COL12A1: variants seen among roughly 807,000 people sequenced by gnomAD.
COL12A1 encodes the protein collagen type XII alpha 1 chain, also known as collagen alpha-1(XII) chain.
Under a neutral mutation model 349.7 loss-of-function variants are expected in COL12A1, and 114 were observed. The ratio of observed to expected loss-of-function variants is 0.33; its 90% CI spans 0.28 to 0.38. The LOEUF (loss-of-function observed/expected upper bound fraction) is 0.38. COL12A1 is among the 10% of genes least tolerant of loss of function. The pLI is 1.00. For missense variants in COL12A1, 3,284 were observed against 3,756.9 expected (o/e 0.87, Z 3.29); for synonymous variants, 1,369 against 1,329.0 (o/e 1.03, Z -0.66).
chr6:75,176,861 T>C (rs1452076074), intron 12 of COL12A1, among the ~76,000 whole-genome samples: 1 of 152,160 alleles, frequency 6.6e-6, no homozygotes, highest in Non-Finnish European at 1.5e-5. Context: ...AGCTAGGAAA[T>C]AAAATGAAAA....
In COL12A1 at chr6:75,117,511, C is replaced by G; in HGVS notation, c.7390G>C (p.Asp2464His). Reference sequence around the variant, plus strand: ...GCAATGTTGGCAAGCTCATTGTAGTCGACATCAGCCACACCAACTACAAAG... The same window carrying G: ...GCAATGTTGGCAAGCTCATTGTAGTGGACATCAGCCACACCAACTACAAAG... The part of the protein sequence containing the change: ...SVFVVGVADV[D>H]YNELANIASK... Residue 2464 changes from aspartate to histidine, a missense_variant, in exon 47 of 66, where the codon GAC becomes CAC. By Grantham distance (81) the Asp-to-His change is moderately conservative. Transcript: ENST00000322507. The G allele has an allele frequency of 6.2e-7, 1 of 1,613,492 alleles. No individual in the cohort carries two copies. Among genetic ancestry groups the G allele is most frequent in the East Asian group, 2.2e-5 (1 of 44,870 alleles).
At chr6:75,126,231 G>C in intron 39 of COL12A1, 120 bp downstream of exon 39, 2 of 1,174,868 alleles carry the variant, frequency 1.7e-6, no homozygotes, top group Non-Finnish European at 2.3e-6. Flanking sequence ...TTTGGTTACA[G>C]GAAACTTGGT....
rs370549168 is a variant in COL12A1, at chr6:75,148,458, C to T, written c.4187G>A (p.Arg1396Gln). 294 of 1,613,372 alleles carry T rather than the reference C, an allele frequency of 1.8e-4. 1 individual carries two copies. In the South Asian group the frequency reaches 1.8e-3, roughly 10 times the overall value. ...EAPSNLVISE[R>Q]THRSFRVSWT... ...GCTCACTCTAAAAGAACGATGGGTTCGCTCAGAAATAACTAAGTTAGAAGG... is the reference window on the plus strand; with the variant it reads ...GCTCACTCTAAAAGAACGATGGGTTTGCTCAGAAATAACTAAGTTAGAAGG... The change falls in exon 22 of 66, where the codon CGA (arginine) becomes CAA (glutamine). Residue 1396 changes from arginine to glutamine, a missense_variant. Arg to Gln is a conservative substitution (Grantham distance 43). Around this residue, in one of 2 missense-constraint regions of COL12A1, gnomAD observed 2,601 missense variants for 2,824.8 expected, o/e 0.92. Transcript: ENST00000322507.
At chr6:75,105,593 T>C (rs1768509600) in intron 53 of COL12A1, among the ~76,000 whole-genome samples, 1 of 152,078 alleles carries the variant, frequency 6.6e-6, no homozygotes, top group Non-Finnish European at 1.5e-5. Flanking sequence ...AAATATCAAT[T>C]CCCATCTGGA....
intron 13 of COL12A1, among the ~76,000 whole-genome samples, chr6:75,173,786 C>A (rs529741783): frequency 6.6e-5 from 10 of 152,308 alleles, no homozygotes; most frequent in Non-Finnish European, 1.3e-4. Context: ...ACAATATCTA[C>A]AACCTTCCAA....
chr6:75,175,325 GACA>G lies in COL12A1; in HGVS notation c.2438-18_2438-16del. ...ATTCCCTCTAACTTCATTAAAAAAT[GACA>G]ACATCATCAAAACCCATTATTTAAA... On this transcript the variant is annotated splice_polypyrimidine_tract_variant and intron_variant, in intron 12 of 65. Transcript: ENST00000322507. 6.2e-7 allele frequency: 1 copy of G among 1,604,084 alleles called. No homozygotes were observed. Among genetic ancestry groups the G allele is most frequent in the Non-Finnish European group, 8.5e-7 (1 of 1,175,798 alleles).
intron 12 of COL12A1, among the ~76,000 whole-genome samples, 194 bp from the exon 13 acceptor site, chr6:75,175,504 A>AG (rs1294320418): frequency 3.9e-5 from 6 of 152,224 alleles, no homozygotes; most frequent in Non-Finnish European, 4.4e-5. Context: ...AGTAGAAACA[A>AG]GGGGAAAGAT....
intron 2 of COL12A1, among the ~76,000 whole-genome samples, chr6:75,195,175 G>C (rs2149483200): frequency 6.6e-6 from 1 of 152,272 alleles, no homozygotes; most frequent in Middle Eastern, 3.4e-3. Context: ...TGATTCTTGA[G>C]TTGCTAGGTC....
rs920560154 is a variant in COL12A1 at position 75,085,230 on chromosome 6, C to T, written c.*1317G>A. 7 of 469,536 alleles carry T rather than the reference C, an allele frequency of 1.5e-5. No homozygotes were observed. Among genetic ancestry groups the T allele is most frequent in the East Asian group, 1.4e-4 (2 of 14,366 alleles). 29.1% of individuals were successfully genotyped at this position (469,536 alleles called of 1,614,324 possible). On this transcript the variant is annotated 3_prime_UTR_variant, in exon 66 of 66. Coordinates refer to ENST00000322507, the MANE Select transcript of COL12A1 (RefSeq NM_004370.6). Reference sequence around the variant, plus strand: ...GTGGGGCAGGGCGCGCCGCCAGCGCCGGTGGGGCTCAGGAGGCTCCTCTGC... The same window carrying T: ...GTGGGGCAGGGCGCGCCGCCAGCGCTGGTGGGGCTCAGGAGGCTCCTCTGC...
intron 32 of COL12A1, 33 bp from the exon 33 acceptor site, chr6:75,134,030 T>C (rs749771841): frequency 1.3e-6 from 2 of 1,599,214 alleles, no homozygotes; most frequent in Non-Finnish European, 1.7e-6. Context: ...CACAGTATAA[T>C]GCTAACAATC....
chr6:75,186,022 C>T (rs569443988), intron 8 of COL12A1, among the ~76,000 whole-genome samples: 1 of 152,142 alleles, frequency 6.6e-6, no homozygotes, highest in South Asian at 2.1e-4. Context: ...TCCTGGAAAA[C>T]AACCTAGGCA....
At chr6:75,098,928 C>T (rs1768179011) in intron 58 of COL12A1, among the ~76,000 whole-genome samples, 1 of 152,300 alleles carries the variant, frequency 6.6e-6, no homozygotes, top group African/African-American at 2.4e-5. Flanking sequence ...ATGAGTCATC[C>T]TGCTACCCAG....
chr6:75,121,445 CA>C lies in COL12A1; in HGVS notation c.6947-5del. 28 of 1,533,438 alleles carry C rather than the reference CA, an allele frequency of 1.8e-5. No homozygotes were observed. The highest frequency in any genetic ancestry group is 3.7e-5 in the South Asian group (3 of 80,208). 95.0% of individuals were successfully genotyped at this position (1,533,438 alleles called of 1,614,324 possible). A position where few individuals can be genotyped will look rare whatever the true frequency, so the allele number is the denominator to read the frequency against. ...TCTGCCTTGGCCCCTTTGCATACTG[CA>C]AAAAAAGAAAGCAGAGGAAGCCCCA... On this transcript the variant is annotated splice_polypyrimidine_tract_variant and splice_region_variant and intron_variant, in intron 43 of 65. Coordinates refer to ENST00000322507, the MANE Select transcript of COL12A1 (RefSeq NM_004370.6).
chr6:75,164,891 G>A (rs1002442397), intron 14 of COL12A1, among the ~76,000 whole-genome samples: 4 of 151,678 alleles, frequency 2.6e-5, no homozygotes, highest in South Asian at 2.1e-4. Flanking sequence ...TCAGAAAATT[G>A]AGTGGGCTTT....
intron 60 of COL12A1, among the ~76,000 whole-genome samples, chr6:75,093,188 AC>A (rs1235520459): frequency 6.6e-6 from 1 of 151,884 alleles, no homozygotes. Context: ...TTGTCTATAT[AC>A]CCCCCAGAAT....
Position 75,155,799 on chromosome 6 carries a change from G to A in COL12A1, c.3306C>T (p.Ser1102=), listed in dbSNP as rs1767723650. The change falls in exon 16 of 66, where the codon AGC becomes AGT. Residue 1102 remains serine, a synonymous_variant. Transcript: ENST00000322507. ...GGGCAGGCTCCCAAGTCACTCGGAAGCTTGACATGGTTGGGTCAGATGTTT... is the reference window on the plus strand; with the variant it reads ...GGGCAGGCTCCCAAGTCACTCGGAAACTTGACATGGTTGGGTCAGATGTTT... ...NLKTSDPTMS[S]FRVTWEPAPG... The A allele has an allele frequency of 6.2e-7, 1 of 1,613,244 alleles. No individual in the cohort carries two copies. The highest frequency in any genetic ancestry group is 8.5e-7 in the Non-Finnish European group (1 of 1,179,564).
intron 2 of COL12A1, among the ~76,000 whole-genome samples, chr6:75,202,229 G>A (rs1181177860): frequency 6.6e-6 from 1 of 152,228 alleles, no homozygotes; most frequent in Non-Finnish European, 1.5e-5. Context: ...TCCCCACAAA[G>A]CACACAGAGG....
At chr6:75,126,292 A>G in intron 39 of COL12A1, 59 bp downstream of exon 39, 1 of 1,555,634 alleles carries the variant, frequency 6.4e-7, no homozygotes. Flanking sequence ...AAGAGAAAAT[A>G]CCCTCATATG....
rs534647219 is a variant in COL12A1, at chr6:75,088,992, C to T, written c.9010+114G>A. On this transcript the variant is annotated intron_variant, in intron 64 of 65. Coordinates refer to ENST00000322507, the MANE Select transcript of COL12A1 (RefSeq NM_004370.6). ...CTCCAGCCTGGGTGACAGAGCAAGA[C>T]TCCGTCTCAAAAACAAAAAAAAGAA... is the stretch of plus-strand genomic sequence containing the variant. 5 of 802,026 alleles carry T rather than the reference C, an allele frequency of 6.2e-6. No homozygotes were observed. The African/African-American group carries it at 7.2e-5, about 12-fold the overall frequency. 49.7% of individuals were successfully genotyped at this position (802,026 alleles called of 1,614,324 possible).
Sources: gnomAD v4.1 joint callset for allele counts (sites outside exome capture counted in the v4.1 genomes callset) on GRCh38, gnomAD v4.1.1 for gene constraint, gnomAD v4.1.1 regional missense constraint, MANE v1.5 for transcripts, NCBI Gene and HGNC (gene_info 2026-07-23, HGNC 2026-07-21) for gene names.